ADPRM: variants seen among roughly 807,000 people sequenced by gnomAD.
The protein encoded by ADPRM is ADP-ribose/CDP-alcohol diphosphatase, manganese dependent, also known as manganese-dependent ADP-ribose/CDP-alcohol diphosphatase.
Under a neutral mutation model 27.2 loss-of-function variants are expected in ADPRM, and 17 were observed. That is an observed-to-expected ratio of 0.63 (90% CI 0.43 to 0.94). ADPRM has a LOEUF of 0.94. Among genes scored for constraint, ADPRM ranks in the 40% least tolerant of loss-of-function variants. The pLI is 0.00. For missense variants in ADPRM, 337 were observed against 412.8 expected, an observed-to-expected ratio of 0.82 and a Z score of 1.59; for synonymous variants, 135 against 145.3, an observed-to-expected ratio of 0.93 and a Z score of 0.51.
rs553916230 is a variant in ADPRM at position 10,703,154 on chromosome 17, C to G, written c.-17-1756C>G. On this transcript the variant is annotated intron_variant, in intron 1 of 3. Transcript: ENST00000379774. The stretch of plus-strand genomic sequence containing the variant: ...TGCTAAGTTATCTTCTGATTTGATT[C>G]TTCTATTAATCTGAACTTGGAATCG... Among the ~76,000 whole-genome samples, 80 of 151,346 alleles carry G rather than the reference C, an allele frequency of 5.3e-4. No individual in the cohort carries two copies. In the South Asian group the frequency reaches 0.016, roughly 30 times the overall value.
At chr17:10,701,498 T>G (rs1433149938) in intron 1 of ADPRM, among the ~76,000 whole-genome samples, 1 of 152,014 alleles carries the variant, frequency 6.6e-6, no homozygotes, top group Non-Finnish European at 1.5e-5. Context: ...ACCCGGCTAA[T>G]TTTTGTATTT....
intron 1 of ADPRM, chr17:10,698,988 CA>C (rs2074756136): frequency 6.6e-6 from 1 of 152,156 alleles, no homozygotes; most frequent in Non-Finnish European, 1.5e-5. Flanking sequence ...ATCAGCCACC[CA>C]AATTAAGATT....
intron 3 of ADPRM, among the ~76,000 whole-genome samples, chr17:10,708,557 G>A (rs557114195): frequency 1.3e-5 from 2 of 151,702 alleles, no homozygotes; most frequent in African/African-American, 2.4e-5. Context: ...GTAAAAACAC[G>A]TAGAAGGAGC....
At chr17:10,703,027 T>C (rs2074788413) in intron 1 of ADPRM, among the ~76,000 whole-genome samples, 1 of 152,142 alleles carries the variant, frequency 6.6e-6, no homozygotes. Flanking sequence ...AGAAATAGTT[T>C]TCTCTTAAGA....
rs1237732980 is a variant in ADPRM, at chr17:10,708,448, A to AC, written c.718+1894_718+1895insC. ...CCGTCTCAAAAAAAAAAAAAAAAAA[A>AC]AACCTTTGAAAATGATAGGCTATTC... On this transcript the variant is annotated intron_variant, in intron 3 of 3. Transcript: ENST00000379774. Among the ~76,000 whole-genome samples, 4 of 151,140 alleles carry AC rather than the reference A, an allele frequency of 2.6e-5. 1 individual carries two copies. Among genetic ancestry groups the AC allele is most frequent in the Admixed American group, 6.6e-5 (1 of 15,152 alleles).
At chr17:10,701,923 A>G (rs1277396994) in intron 1 of ADPRM, among the ~76,000 whole-genome samples, 4 of 152,268 alleles carry the variant, frequency 2.6e-5, no homozygotes, top group Middle Eastern at 3.4e-3. Context: ...AGGAGAGTCA[A>G]TTCCCTGACC....
At position 10,705,641 on chromosome 17, in the gene ADPRM, G is replaced by A; in HGVS notation, c.601+114G>A. ...GTAAAAGTATATTGTCACTTGTTCA[G>A]GGTCAGGATTTCTCACAAGCCTTCT... is the stretch of plus-strand genomic sequence containing the variant. On this transcript the variant is annotated intron_variant, in intron 2 of 3. Transcript: ENST00000379774. This position sits in a 1 kb window ranked among gnomAD's most constrained non-coding sequence, Gnocchi z 5.4. 1 of 1,433,070 alleles carries A rather than the reference G, an allele frequency of 7.0e-7. No homozygotes were observed. The highest frequency in any genetic ancestry group is 9.2e-7 in the Non-Finnish European group (1 of 1,082,678). 88.8% of individuals were successfully genotyped at this position (1,433,070 alleles called of 1,614,324 possible). A position where few individuals can be genotyped will look rare whatever the true frequency, so the allele number is the denominator to read the frequency against.
At chr17:10,704,874 T>C (rs1198302484) in intron 1 of ADPRM, 36 bp from the exon 2 acceptor site, 1 of 1,447,688 alleles carries the variant, frequency 6.9e-7, no homozygotes, top group Non-Finnish European at 9.3e-7. Context: ...AATTAAAACG[T>C]TTATAATTTA....
intron 1 of ADPRM, among the ~76,000 whole-genome samples, chr17:10,699,683 CCTGT>C (rs764198821): frequency 2.6e-5 from 4 of 151,730 alleles, no homozygotes; most frequent in Non-Finnish European, 5.9e-5. Flanking sequence ...TGCCACCAGG[CCTGT>C]CTAATTTAAA....
At chr17:10,699,518 C>CTTTTTTTTTT (rs781412834) in intron 1 of ADPRM, among the ~76,000 whole-genome samples, 51 of 113,322 alleles carry the variant, frequency 4.5e-4, no homozygotes, top group East Asian at 8.3e-4. Flanking sequence ...TCTTTTCTTT[C>CTTTTTTTTTT]TTTTTTTTTT....
intron 1 of ADPRM, among the ~76,000 whole-genome samples, chr17:10,701,552 A>G (rs1040782085): frequency 1.8e-4 from 28 of 152,114 alleles, no homozygotes; most frequent in Admixed American, 1.0e-3. Context: ...GATGGTCTCG[A>G]TCTCCTGACC....
Position 10,705,826 on chromosome 17 carries a change from C to A in ADPRM, c.601+299C>A. The stretch of plus-strand genomic sequence containing the variant: ...TGGAATGGAGGGAACAAACACAGTA[C>A]GTGGGCAAGACAGATGATAAATGAA... On this transcript the variant is annotated intron_variant, in intron 2 of 3. Coordinates refer to ENST00000379774, the MANE Select transcript of ADPRM (RefSeq NM_020233.5). This position sits in a 1 kb window ranked among gnomAD's most constrained non-coding sequence, Gnocchi z 5.4. 2.6e-6 allele frequency: 1 copy of A among 382,572 alleles called. No individual in the cohort carries two copies. Among genetic ancestry groups the A allele is most frequent in the Non-Finnish European group, 4.8e-6 (1 of 207,884 alleles). 23.7% of individuals were successfully genotyped at this position (382,572 alleles called of 1,614,324 possible).
intron 3 of ADPRM, among the ~76,000 whole-genome samples, chr17:10,709,493 T>C (rs1478454941): frequency 6.6e-6 from 1 of 152,032 alleles, no homozygotes; most frequent in Non-Finnish European, 1.5e-5. Context: ...GGAACCAGCA[T>C]AGGAGACTGG....
intron 1 of ADPRM, among the ~76,000 whole-genome samples, 193 bp from the exon 2 acceptor site, chr17:10,704,717 C>T (rs946882473): frequency 3.3e-5 from 5 of 152,122 alleles, no homozygotes; most frequent in Non-Finnish European, 7.4e-5. Flanking sequence ...ATCTGTTTTA[C>T]AGAAGAGAAA....
chr17:10,704,690 T>C (rs1335598771), intron 1 of ADPRM, among the ~76,000 whole-genome samples: 1 of 152,168 alleles, frequency 6.6e-6, no homozygotes, highest in African/African-American at 2.4e-5. Context: ...ATTGTTACTC[T>C]TCTGAAAGAG....
At position 10,705,102 on chromosome 17, in the gene ADPRM, G is replaced by A. The variant is rs769164270; in HGVS notation, c.176G>A (p.Trp59Ter). ...CACTTACAGGGTGCCATTGAAGACT[G>A]GAATAATGAAAGCAGCATGCCCTGT... ...LLHLQGAIED[W>*]NNESSMPCCV... Residue 59 changes from tryptophan (W) to a stop codon, truncating the protein, a stop_gained, in exon 2 of 4, where the codon TGG (tryptophan) becomes TAG (stop). Coordinates refer to ENST00000379774, the MANE Select transcript of ADPRM (RefSeq NM_020233.5). LOFTEE classifies it high-confidence loss of function. This position sits in a 1 kb window ranked among gnomAD's most constrained non-coding sequence, Gnocchi z 5.4. 1 of 1,614,114 alleles carries A rather than the reference G, an allele frequency of 6.2e-7. No homozygotes were observed.
In ADPRM at chr17:10,705,578, C is replaced by T; in HGVS notation, c.601+51C>T. 1.3e-6 allele frequency: 2 copies of T among 1,579,400 alleles called. No individual in the cohort carries two copies. Among genetic ancestry groups the T allele is most frequent in the Non-Finnish European group, 1.7e-6 (2 of 1,164,724 alleles). On this transcript the variant is annotated intron_variant, in intron 2 of 3. Coordinates refer to ENST00000379774, the MANE Select transcript of ADPRM (RefSeq NM_020233.5). This position sits in a 1 kb window ranked among gnomAD's most constrained non-coding sequence, Gnocchi z 5.4. Reference sequence around the variant, plus strand: ...TCTAATAGATTGTCTTTAAATTCTTCAGCTACCTTTTATTCAGCAGGAAGA... The same window carrying T: ...TCTAATAGATTGTCTTTAAATTCTTTAGCTACCTTTTATTCAGCAGGAAGA...
At chr17:10,710,683 C>G in intron 3 of ADPRM, 151 bp from the exon 4 acceptor site, 1 of 697,508 alleles carries the variant, frequency 1.4e-6, no homozygotes. Flanking sequence ...GCCTAGTTTT[C>G]TTGTGTGTGA....
rs1206878055 is a variant in ADPRM, at chr17:10,708,429, C to CAAAAAAAA, written c.718+1889_718+1896dup. On this transcript the variant is annotated intron_variant, in intron 3 of 3. Coordinates refer to ENST00000379774, the MANE Select transcript of ADPRM (RefSeq NM_020233.5). ...GGGCAACAAGAGTGAAACTCCGTCT[C>CAAAAAAAA]AAAAAAAAAAAAAAAAAAAAACCTT... Among the ~76,000 whole-genome samples the CAAAAAAAA allele has an allele frequency of 2.8e-3, 86 of 30,558 alleles. 1 individual carries two copies. The highest frequency in any genetic ancestry group is 0.013 in the African/African-American group (77 of 5,790). 20.0% of individuals were successfully genotyped at this position (30,558 alleles called of 152,430 possible). A position where few individuals can be genotyped will look rare whatever the true frequency, so the allele number is the denominator to read the frequency against.
Sources: gnomAD v4.1 joint callset for allele counts (sites outside exome capture counted in the v4.1 genomes callset) on GRCh38, gnomAD v4.1.1 for gene constraint, Gnocchi (gnomAD v3.1) non-coding constraint, MANE v1.5 for transcripts, NCBI Gene and HGNC (gene_info 2026-07-23, HGNC 2026-07-21) for gene names.